ERC2: variants seen among roughly 807,000 people sequenced by gnomAD.
ERC2 encodes ERC protein 2.
ERC2 carries 42 observed loss-of-function variants against 114.8 expected under a neutral mutation model. The observed-to-expected ratio is 0.37, with a 90% CI of 0.29 to 0.47. The LOEUF is 0.47. Among genes scored for constraint, ERC2 ranks in the 20% least tolerant of loss-of-function variants. The pLI is 0.99. For missense variants in ERC2, 939 were observed against 1,150.7 expected (o/e 0.82, Z 2.66); for synonymous variants, 454 against 425.5 (o/e 1.07, Z -0.82).
intron 9 of ERC2, among the ~76,000 whole-genome samples, chr3:56,008,757 C>A (rs550734535): frequency 2.0e-5 from 3 of 152,232 alleles, no homozygotes; most frequent in African/African-American, 7.2e-5. Context: ...TCTGCATGGG[C>A]CTGATCCCAT....
At chr3:55,957,866 C>A (rs910329173) in intron 12 of ERC2, among the ~76,000 whole-genome samples, 17 of 152,194 alleles carry the variant, frequency 1.1e-4, no homozygotes, top group African/African-American at 3.6e-4. Flanking sequence ...ACCACAGAGC[C>A]TCAGAGAGGG....
At chr3:55,704,620 A>G (rs2148837100) in intron 15 of ERC2, among the ~76,000 whole-genome samples, 1 of 152,292 alleles carries the variant, frequency 6.6e-6, no homozygotes. Flanking sequence ...AGGAGAGGAG[A>G]GATTTCCTGA....
At chr3:56,368,676 T>C (rs983148117) in intron 2 of ERC2, among the ~76,000 whole-genome samples, 1 of 152,170 alleles carries the variant, frequency 6.6e-6, no homozygotes, top group African/African-American at 2.4e-5. Context: ...CTAGTAGTTC[T>C]GTCCTGCTGC....
chr3:56,278,712 C>A (rs2054165984), intron 3 of ERC2, among the ~76,000 whole-genome samples: 1 of 152,182 alleles, frequency 6.6e-6, no homozygotes, highest in African/African-American at 2.4e-5. Flanking sequence ...CTGATGAGGG[C>A]CTCATGCTGC....
intron 3 of ERC2, among the ~76,000 whole-genome samples, chr3:56,264,465 C>T (rs760562403): frequency 3.3e-5 from 5 of 151,936 alleles, no homozygotes; most frequent in East Asian, 1.9e-4. Flanking sequence ...GGAATGGTGG[C>T]GTGCACCTGT....
chr3:55,848,712 A>G (rs1324582521), intron 14 of ERC2, among the ~76,000 whole-genome samples: 1 of 152,206 alleles, frequency 6.6e-6, no homozygotes, highest in African/African-American at 2.4e-5. Flanking sequence ...TTCCCTGATT[A>G]TGGAAGGGAA....
intron 7 of ERC2, among the ~76,000 whole-genome samples, chr3:56,053,432 A>T (rs997077289): frequency 2.6e-5 from 4 of 152,200 alleles, no homozygotes; most frequent in Non-Finnish European, 5.9e-5. Flanking sequence ...CTGTATTTAC[A>T]TCTCAAAGGA....
At chr3:55,919,333 C>T (rs1399877766) in intron 13 of ERC2, among the ~76,000 whole-genome samples, 2 of 152,094 alleles carry the variant, frequency 1.3e-5, no homozygotes, top group Non-Finnish European at 2.9e-5. Context: ...GAGCTATGAC[C>T]ATGCCACTGC....
chr3:55,981,390 A>C (rs1350215264), intron 12 of ERC2, among the ~76,000 whole-genome samples: 2 of 152,216 alleles, frequency 1.3e-5, no homozygotes, highest in Non-Finnish European at 2.9e-5. Flanking sequence ...AAGGGGGAAA[A>C]GCACACCTGA....
At chr3:56,162,648 T>G (rs984637428) in intron 4 of ERC2, among the ~76,000 whole-genome samples, 12 of 152,302 alleles carry the variant, frequency 7.9e-5, no homozygotes, top group African/African-American at 2.6e-4. Flanking sequence ...TCCTCTAGAT[T>G]TTCTAGTTTG....
chr3:56,428,069 C>G (rs919370123), intron 2 of ERC2, among the ~76,000 whole-genome samples: 4 of 152,102 alleles, frequency 2.6e-5, no homozygotes, highest in Non-Finnish European at 5.9e-5. Context: ...AAAAAAGGAG[C>G]CTGGAAGAAG....
chr3:55,699,580 A>G (rs1166429676), intron 15 of ERC2, 68 bp from the exon 16 acceptor site: 2 of 1,528,992 alleles, frequency 1.3e-6, no homozygotes, highest in East Asian at 2.3e-5. Flanking sequence ...GATTCAGGGC[A>G]TAATTACAGT....
chr3:55,650,036 C>T (rs2060550006), intron 17 of ERC2, among the ~76,000 whole-genome samples: 1 of 152,174 alleles, frequency 6.6e-6, no homozygotes, highest in African/African-American at 2.4e-5. Flanking sequence ...GGCCATGTGC[C>T]TCCAACCCTC....
chr3:56,145,987 T>A (rs1000724763), intron 5 of ERC2, among the ~76,000 whole-genome samples: 5 of 152,114 alleles, frequency 3.3e-5, no homozygotes, highest in African/African-American at 1.2e-4. Context: ...ATCACACTCA[T>A]CACTCAAAGT....
chr3:55,844,516 T>TCA (rs2061269986), intron 14 of ERC2, among the ~76,000 whole-genome samples: 1 of 152,176 alleles, frequency 6.6e-6, no homozygotes, highest in South Asian at 2.1e-4. Context: ...GTGTGAGAAA[T>TCA]CATAATAATT....
intron 13 of ERC2, among the ~76,000 whole-genome samples, chr3:55,943,532 T>A (rs1369917305): frequency 1.3e-5 from 2 of 151,312 alleles, no homozygotes; most frequent in Non-Finnish European, 2.9e-5. Flanking sequence ...TTTTGGTACC[T>A]CCTTAAGGCT....
intron 6 of ERC2, 87 bp from the exon 7 acceptor site, chr3:56,081,071 G>A (rs1560140296): frequency 1.4e-6 from 2 of 1,430,636 alleles, no homozygotes; most frequent in Non-Finnish European, 9.5e-7. Flanking sequence ...AGGCAGGGCA[G>A]CAGCATGTTT....
At chr3:56,313,948 A>G (rs1576394570) in intron 2 of ERC2, among the ~76,000 whole-genome samples, 1 of 152,294 alleles carries the variant, frequency 6.6e-6, no homozygotes, top group East Asian at 1.9e-4. Context: ...TTCCTAAAGT[A>G]CCCTTTAGGA....
chr3:55,603,932 C>A (rs2058527500), intron 17 of ERC2, among the ~76,000 whole-genome samples: 1 of 152,096 alleles, frequency 6.6e-6, no homozygotes, highest in Admixed American at 6.5e-5. Context: ...AAAAATAATT[C>A]ACTGACTCCA....
Sources: allele counts gnomAD v4.1 joint callset (sites outside exome capture counted in the v4.1 genomes callset), GRCh38; gene constraint gnomAD v4.1.1; transcripts MANE v1.5; gene names NCBI Gene and HGNC (gene_info 2026-07-23, HGNC 2026-07-21).